Variants in CDCP1 observed in about 807,000 individuals in gnomAD.
CDCP1 encodes CUB domain containing protein 1, also known as CUB domain-containing protein 1.
CDCP1 carries 29 observed loss-of-function variants against 60.2 expected under a neutral mutation model. The ratio of observed to expected loss-of-function variants is 0.48; its 90% confidence interval spans 0.36 to 0.66. The LOEUF is 0.66. Ranked by LOEUF, CDCP1 falls within the 30% of genes least tolerant of loss-of-function variation. The pLI, the probability that CDCP1 is intolerant of heterozygous loss-of-function variation, is 0.00. For missense variants in CDCP1, 876 were observed against 1,074.3 expected (o/e 0.82, Z 2.58); for synonymous variants, 387 against 431.1 (o/e 0.90, Z 1.27).
intron 1 of CDCP1, among the ~76,000 whole-genome samples, chr3:45,135,346 A>G (rs1699175661): frequency 6.6e-6 from 1 of 151,926 alleles, no homozygotes; most frequent in Non-Finnish European, 1.5e-5. Context: ...AGGGAGAGAG[A>G]TTGTGGGGCA....
intron 8 of CDCP1, among the ~76,000 whole-genome samples, chr3:45,087,086 A>T (rs1698207111): frequency 1.3e-5 from 2 of 151,858 alleles, no homozygotes; most frequent in Non-Finnish European, 2.9e-5. Flanking sequence ...AGCTCTTCTC[A>T]TGCTATCCTG....
At chr3:45,088,474 AAAATAAAT>A (rs535119366) in intron 8 of CDCP1, among the ~76,000 whole-genome samples, 2 of 152,092 alleles carry the variant, frequency 1.3e-5, no homozygotes, top group African/African-American at 4.8e-5. Context: ...CTCTGTCTCA[AAAATAAAT>A]AAATAAATAA....
At chr3:45,093,685 G>T in intron 5 of CDCP1, 28 bp from the exon 6 acceptor site, 2 of 1,583,850 alleles carry the variant, frequency 1.3e-6, no homozygotes, top group Non-Finnish European at 1.7e-6. Flanking sequence ...TGCTAGCCAT[G>T]CACAAAGGAG....
In CDCP1 at chr3:45,086,113, C is replaced by T. The variant is rs1335133781; in HGVS notation, c.2082-46G>A. ...AGACAGAAGTCAGAAAGGCAAGAAT[C>T]TTCGATGGGTACCATTGCTATGGCC... is the stretch of plus-strand genomic sequence containing the variant. On this transcript the variant is annotated intron_variant, in intron 8 of 8. Transcript: ENST00000296129. 3 of 1,531,458 alleles carry T rather than the reference C, an allele frequency of 2.0e-6. No individual in the cohort carries two copies. The South Asian group carries it at 3.5e-5, about 18-fold the overall frequency. 94.9% of individuals were successfully genotyped at this position (1,531,458 alleles called of 1,614,324 possible).
At chr3:45,116,885 T>C (rs1015880804) in intron 2 of CDCP1, among the ~76,000 whole-genome samples, 8 of 152,242 alleles carry the variant, frequency 5.3e-5, no homozygotes, top group African/African-American at 1.7e-4. Context: ...TTCACATTTA[T>C]GATGAAAACG....
chr3:45,097,314 AAAAG>A (rs1262943940), intron 4 of CDCP1, among the ~76,000 whole-genome samples: 162 of 152,100 alleles, frequency 1.1e-3, no homozygotes, highest in African/African-American at 3.3e-3. Context: ...CTCCAAAAAA[AAAAG>A]AAAGAAAGAA....
Position 45,097,225 on chromosome 3 carries a change from T to A in CDCP1, c.1025-1657A>T, listed in dbSNP as rs560583560. On this transcript the variant is annotated intron_variant, in intron 4 of 8. Coordinates refer to ENST00000296129, the MANE Select transcript of CDCP1 (RefSeq NM_022842.5). The stretch of plus-strand genomic sequence containing the variant: ...GGGAAGCTGAGGCACGAGAATCGGT[T>A]GAACCCAGGAGGTGGAGGTTGCAGT... 2.0e-3 allele frequency among the ~76,000 whole-genome samples: 302 copies of A among 151,744 alleles called. 12 individuals are homozygous for A. The highest frequency in any genetic ancestry group is 0.02 in the Admixed American group (300 of 15,238).
Position 45,093,297 on chromosome 3 carries a change from G to A in CDCP1, c.1607C>T (p.Ser536Phe). 6.2e-7 allele frequency: 1 copy of A among 1,614,130 alleles called. No homozygotes were observed. Among genetic ancestry groups the A allele is most frequent in the Non-Finnish European group, 8.5e-7 (1 of 1,180,018 alleles). Reference protein sequence around the residue: ...QEASRQGLTVSFIPYFKEEGV... With the variant: ...QEASRQGLTVFFIPYFKEEGV... ...CTTACCTTTGAAATAAGGTATAAAG[G>A]ACACCGTCAGACCCTGCCTGGAGGC... Residue 536 changes from serine (S) to phenylalanine (F), a missense_variant, in exon 6 of 9, where the codon TCC (serine) becomes TTC (phenylalanine). Coordinates refer to ENST00000296129, the MANE Select transcript of CDCP1 (RefSeq NM_022842.5).
rs980973990 is a variant in CDCP1 at position 45,110,839 on chromosome 3, G to A, written c.658C>T (p.Leu220=). The A allele has an allele frequency of 1.2e-6, 2 of 1,606,982 alleles. No individual in the cohort carries two copies. Among genetic ancestry groups the A allele is most frequent in the Non-Finnish European group, 1.7e-6 (2 of 1,174,958 alleles). The change falls in exon 4 of 9, where the codon CTG becomes TTG. Residue 220 remains leucine, a splice_region_variant and synonymous_variant. Coordinates refer to ENST00000296129, the MANE Select transcript of CDCP1 (RefSeq NM_022842.5). ...TCAAACACAGACTCGATGATGCACA[G>A]ACCTAGTGGGAGTGGAACCCAAACC... ...SIANRSSIKR[L]CIIESVFEGE...
intron 4 of CDCP1, among the ~76,000 whole-genome samples, chr3:45,101,331 G>C (rs576601756): frequency 1.3e-5 from 2 of 152,242 alleles, no homozygotes; most frequent in Non-Finnish European, 2.9e-5. Flanking sequence ...AGGCTAGGAA[G>C]TGGTAAGACT....
chr3:45,094,812 G>A (rs910739796), intron 5 of CDCP1, among the ~76,000 whole-genome samples: 56 of 152,240 alleles, frequency 3.7e-4, no homozygotes, highest in Non-Finnish European at 6.0e-4. Flanking sequence ...AGAGACATAA[G>A]CCTGAACATG....
chr3:45,110,488 G>C lies in CDCP1; in HGVS notation c.1009C>G (p.Pro337Ala), dbSNP rs771126292. 2 of 1,614,084 alleles carry C rather than the reference G, an allele frequency of 1.2e-6. No individual in the cohort carries two copies. The highest frequency in any genetic ancestry group is 1.7e-6 in the Non-Finnish European group (2 of 1,179,934). ...RLQFQVLVQH[P>A]QNESNKIYVV... ...GCTCACTCACTGCTTTCATTTTGTG[G>C]ATGTTGGACCAAAACTTGGAACTGC... The change falls in exon 4 of 9, where the codon CCA (proline) becomes GCA (alanine). Residue 337 changes from proline (P) to alanine (A), a missense_variant. Physicochemically the swap from Pro to Ala is conservative, Grantham distance 27. Transcript: ENST00000296129.
chr3:45,124,149 C>T (rs930977603), intron 1 of CDCP1, among the ~76,000 whole-genome samples: 8 of 152,138 alleles, frequency 5.3e-5, no homozygotes, highest in Non-Finnish European at 1.2e-4. Flanking sequence ...ATCACCATAT[C>T]ACACATCCCT....
intron 1 of CDCP1, among the ~76,000 whole-genome samples, chr3:45,137,769 G>A (rs1254434765): frequency 6.8e-6 from 1 of 147,990 alleles, no homozygotes; most frequent in Admixed American, 6.8e-5. Context: ...GCAGTGAGTC[G>A]AGATCATGCC....
In CDCP1 at chr3:45,095,551, C is replaced by A; in HGVS notation, c.1042G>T (p.Asp348Tyr). ...QNESNKIYVV[D>Y]LSNERAMSLT... is the part of the protein sequence containing the mutation. The stretch of plus-strand genomic sequence containing the variant: ...GACATGGCTCGCTCATTACTCAAGT[C>A]AACCACGTAGATTTTATCTGAAACC... Residue 348 changes from aspartate (D) to tyrosine (Y), a missense_variant, in exon 5 of 9, where the codon GAC becomes TAC. Coordinates refer to ENST00000296129, the MANE Select transcript of CDCP1 (RefSeq NM_022842.5). 6.2e-7 allele frequency: 1 copy of A among 1,614,016 alleles called. No homozygotes were observed. The highest frequency in any genetic ancestry group is 8.5e-7 in the Non-Finnish European group (1 of 1,179,998).
intron 1 of CDCP1, among the ~76,000 whole-genome samples, chr3:45,142,742 C>T (rs1285135247): frequency 6.6e-6 from 1 of 152,176 alleles, no homozygotes; most frequent in Non-Finnish European, 1.5e-5. Flanking sequence ...AGCAACTCTG[C>T]TTCCAGAACA....
chr3:45,121,814 A>G (rs1181944343), intron 1 of CDCP1, among the ~76,000 whole-genome samples: 1 of 152,240 alleles, frequency 6.6e-6, no homozygotes, highest in Non-Finnish European at 1.5e-5. Flanking sequence ...AAAATTGATG[A>G]TGTTTATTTT....
chr3:45,108,665 T>C (rs1698613211), intron 4 of CDCP1, among the ~76,000 whole-genome samples: 2 of 139,022 alleles, frequency 1.4e-5, no homozygotes, highest in Admixed American at 1.4e-4. Context: ...TCTCAATGGA[T>C]ACACACACAC....
chr3:45,095,326 T>C (rs761950471), intron 5 of CDCP1, 21 bp downstream of exon 5: 9 of 1,606,342 alleles, frequency 5.6e-6, no homozygotes, highest in Non-Finnish European at 7.7e-6. Context: ...CAGGGACAAA[T>C]GCACTGATTC....
Sources: gnomAD v4.1 joint callset for allele counts (sites outside exome capture counted in the v4.1 genomes callset) on GRCh38, gnomAD v4.1.1 for gene constraint, MANE v1.5 for transcripts, NCBI Gene and HGNC (gene_info 2026-07-23, HGNC 2026-07-21) for gene names.